The following CATSPERB variants were observed in gnomAD, a reference collection of about 807,000 sequenced individuals.
CATSPERB encodes the protein cation channel sperm-associated auxiliary subunit beta.
Under a neutral mutation model 128.3 loss-of-function variants are expected in CATSPERB, and 93 were observed. The ratio of observed to expected loss-of-function variants is 0.72; its 90% CI spans 0.61 to 0.86. The LOEUF is 0.86. CATSPERB is among the 40% of genes least tolerant of loss of function. The pLI, the probability that CATSPERB is intolerant of heterozygous loss-of-function variation, is 0.00. For missense variants in CATSPERB, 1,153 were observed against 1,329.5 expected (o/e 0.87, Z 2.06); for synonymous variants, 381 against 448.8 (o/e 0.85, Z 1.91).
In CATSPERB at chr14:91,633,049, C is replaced by T. The variant is rs1054117878; in HGVS notation, c.1742+3376G>A. Among the ~76,000 whole-genome samples, 6 of 152,190 alleles carry T rather than the reference C, an allele frequency of 3.9e-5. No individual in the cohort carries two copies. In the East Asian group the frequency reaches 5.8e-4, roughly 15 times the overall value. ...TTCTCCACAGTTAACTACCCTAGCCCAAGCCCCCTTGCCTTGTCACATTTT... is the reference window on the plus strand; with the variant it reads ...TTCTCCACAGTTAACTACCCTAGCCTAAGCCCCCTTGCCTTGTCACATTTT... On this transcript the variant is annotated intron_variant, in intron 17 of 26. Coordinates refer to ENST00000256343, the MANE Select transcript of CATSPERB (RefSeq NM_024764.4).
chr14:91,716,654 G>A (rs1286206265), intron 5 of CATSPERB, among the ~76,000 whole-genome samples: 1 of 150,044 alleles, frequency 6.7e-6, no homozygotes, highest in Non-Finnish European at 1.5e-5. Flanking sequence ...TTTTTAGAAT[G>A]GCTAAAAATT....
Position 91,639,076 on chromosome 14 carries a change from T to A in CATSPERB, c.1587+20A>T. The A allele has an allele frequency of 6.3e-7, 1 of 1,599,736 alleles. No homozygotes were observed. On this transcript the variant is annotated intron_variant, in intron 16 of 26. Transcript: ENST00000256343. ...TATTCTTAAAATAAGGCAAACTGTT[T>A]CAATGCATTATATACTGACCTGTCC...
At chr14:91,639,315 A>C in intron 15 of CATSPERB, 65 bp from the exon 16 acceptor site, 24 of 1,365,118 alleles carry the variant, frequency 1.8e-5, no homozygotes, top group Non-Finnish European at 2.2e-5. Flanking sequence ...CTTTAATATC[A>C]TACCTTGTAA....
At chr14:91,656,328 T>C (rs1207845635) in intron 15 of CATSPERB, among the ~76,000 whole-genome samples, 6 of 152,112 alleles carry the variant, frequency 3.9e-5, no homozygotes, top group Non-Finnish European at 8.8e-5. Context: ...TACTCATATG[T>C]TGAGTAGAAA....
chr14:91,605,331 G>A, intron 22 of CATSPERB: 3 of 713,980 alleles, frequency 4.2e-6, no homozygotes, highest in East Asian at 2.5e-5. Context: ...TTATTATTGG[G>A]GAAGAGGAGG....
At chr14:91,586,571 A>AGAGAGAAAGAGAG (rs374162982) in intron 26 of CATSPERB, among the ~76,000 whole-genome samples, 255 of 114,228 alleles carry the variant, frequency 2.2e-3, no homozygotes, top group Admixed American at 4.2e-3. Flanking sequence ...GAGAGAGAGA[A>AGAGAGAAAGAGAG]AGAGAGAGAG....
At chr14:91,653,051 G>C (rs935781764) in intron 15 of CATSPERB, among the ~76,000 whole-genome samples, 2 of 152,138 alleles carry the variant, frequency 1.3e-5, no homozygotes, top group African/African-American at 4.8e-5. Flanking sequence ...CTGTAAAACT[G>C]CTTTTGCTGG....
At chr14:91,646,622 G>A (rs1453340269) in intron 15 of CATSPERB, among the ~76,000 whole-genome samples, 1 of 152,104 alleles carries the variant, frequency 6.6e-6, no homozygotes, top group Non-Finnish European at 1.5e-5. Flanking sequence ...TTTCTGCAAT[G>A]CTTACTCTGC....
intron 14 of CATSPERB, among the ~76,000 whole-genome samples, chr14:91,669,440 G>A (rs1471872552): frequency 1.3e-5 from 2 of 151,822 alleles, no homozygotes; most frequent in Non-Finnish European, 2.9e-5. Flanking sequence ...GAGCCAGAAA[G>A]TCAAGCTCAA....
chr14:91,715,013 C>T, intron 5 of CATSPERB: 1 of 152,930 alleles, frequency 6.5e-6, no homozygotes, highest in Non-Finnish European at 1.5e-5. Flanking sequence ...CACCAGGAGC[C>T]AGCTTCGCGC....
chr14:91,691,653 A>C, intron 9 of CATSPERB, 98 bp from the exon 10 acceptor site: 1 of 917,130 alleles, frequency 1.1e-6, no homozygotes, highest in East Asian at 2.5e-5. Context: ...AACCATATAA[A>C]TTCGTTGAAA....
rs267604091 is a variant in CATSPERB at position 91,704,661 on chromosome 14, T to C, written c.507A>G (p.Glu169=). ...GTGGATATAATTTACTGATTTCACTTTCTGGAATCACATCCCCAGGAGTCC... is the reference window on the plus strand; with the variant it reads ...GTGGATATAATTTACTGATTTCACTCTCTGGAATCACATCCCCAGGAGTCC... ...LQWTPGDVIP[E]SEISKLYPHV... Residue 169 remains glutamate, a synonymous_variant, in exon 7 of 27, where the codon GAA becomes GAG. Coordinates refer to ENST00000256343, the MANE Select transcript of CATSPERB (RefSeq NM_024764.4). 1.2e-6 allele frequency: 2 copies of C among 1,613,752 alleles called. No individual in the cohort carries two copies. Among genetic ancestry groups the C allele is most frequent in the Admixed American group, 3.3e-5 (2 of 59,976 alleles).
intron 15 of CATSPERB, among the ~76,000 whole-genome samples, chr14:91,648,996 T>A (rs1172215872): frequency 6.6e-6 from 1 of 152,014 alleles, no homozygotes; most frequent in Non-Finnish European, 1.5e-5. Flanking sequence ...TGCTTTTTTT[T>A]TTTTTCCTGT....
chr14:91,648,647 G>T (rs892487366), intron 15 of CATSPERB, among the ~76,000 whole-genome samples: 1 of 152,004 alleles, frequency 6.6e-6, no homozygotes, highest in Non-Finnish European at 1.5e-5. Flanking sequence ...ATCACAGAAA[G>T]AACTTTGTTT....
intron 20 of CATSPERB, among the ~76,000 whole-genome samples, chr14:91,611,336 A>G (rs1347502648): frequency 2.0e-5 from 3 of 152,166 alleles, no homozygotes; most frequent in South Asian, 2.1e-4. Context: ...CTGGCTGGGC[A>G]CGGTGGCTCA....
At chr14:91,613,573 G>A (rs1032907441) in intron 20 of CATSPERB, among the ~76,000 whole-genome samples, 1 of 152,172 alleles carries the variant, frequency 6.6e-6, no homozygotes, top group African/African-American at 2.4e-5. Context: ...AGAGCCTCTG[G>A]GAAAGGAATC....
intron 15 of CATSPERB, among the ~76,000 whole-genome samples, chr14:91,650,042 T>C (rs1355464921): frequency 6.6e-6 from 1 of 152,222 alleles, no homozygotes; most frequent in Admixed American, 6.5e-5. Context: ...ATGTTTCACA[T>C]GTTAACAGCT....
intron 14 of CATSPERB, among the ~76,000 whole-genome samples, chr14:91,663,108 C>T (rs983294449): frequency 1.3e-5 from 2 of 152,034 alleles, no homozygotes; most frequent in Non-Finnish European, 2.9e-5. Context: ...TCTGCTTCCC[C>T]CTCCTCCTTT....
intron 1 of CATSPERB, 24 bp from the exon 2 acceptor site, chr14:91,729,503 T>TTA: frequency 8.1e-7 from 1 of 1,241,750 alleles, no homozygotes; most frequent in East Asian, 2.3e-5. Flanking sequence ...TAAGAATTAT[T>TTA]TTCACTCAAT....
Sources: allele counts gnomAD v4.1 joint callset (sites outside exome capture counted in the v4.1 genomes callset), GRCh38; gene constraint gnomAD v4.1.1; transcripts MANE v1.5; gene names NCBI Gene and HGNC (gene_info 2026-07-23, HGNC 2026-07-21).